WDR27: variants seen among roughly 807,000 people sequenced by gnomAD.
WDR27 encodes WD repeat-containing protein 27.
WDR27 carries 100 observed loss-of-function variants against 114.4 expected under a neutral mutation model. That is an observed-to-expected ratio of 0.87 (90% CI 0.74 to 1.03). The LOEUF (loss-of-function observed/expected upper bound fraction) is 1.03. Among genes scored for constraint, WDR27 ranks in the 50% least tolerant of loss-of-function variants. The probability of loss-of-function intolerance (pLI) is 0.00; values close to 1 mark genes in which losing one functional copy is unlikely to be tolerated. For missense variants in WDR27, 1,129 were observed against 1,092.9 expected (o/e 1.03, Z -0.47); for synonymous variants, 449 against 423.1 (o/e 1.06, Z -0.75).
In WDR27 at chr6:169,582,831, T is replaced by C; in HGVS notation, c.2523+5A>G. 6.2e-7 allele frequency: 1 copy of C among 1,611,940 alleles called. No homozygotes were observed. The highest frequency in any genetic ancestry group is 8.5e-7 in the Non-Finnish European group (1 of 1,178,686). On this transcript the variant is annotated splice_donor_5th_base_variant and intron_variant, in intron 24 of 25. Transcript: ENST00000448612. Reference sequence around the variant, plus strand: ...AGGCGCCCCACCCACTCAGCAAGACTGTACCTGGGGCGCTGATGGGTTGAA... The same window carrying C: ...AGGCGCCCCACCCACTCAGCAAGACCGTACCTGGGGCGCTGATGGGTTGAA...
intron 25 of WDR27, among the ~76,000 whole-genome samples, chr6:169,553,631 G>A (rs1476638070): frequency 6.6e-6 from 1 of 152,042 alleles, no homozygotes; most frequent in African/African-American, 2.4e-5. Flanking sequence ...TCTATATAAG[G>A]GAATGATAAC....
chr6:169,696,007 G>A (rs1785836099), intron 1 of WDR27, among the ~76,000 whole-genome samples: 1 of 152,116 alleles, frequency 6.6e-6, no homozygotes. Flanking sequence ...CAGCCCCAAT[G>A]CCACCCTGAT....
At chr6:169,552,866 G>A (rs368196722) in intron 25 of WDR27, among the ~76,000 whole-genome samples, 9 of 152,226 alleles carry the variant, frequency 5.9e-5, no homozygotes, top group East Asian at 1.9e-4. Flanking sequence ...CCTTCATGAC[G>A]TCCTCATTGC....
intron 9 of WDR27, 131 bp from the exon 10 acceptor site, chr6:169,660,897 G>A (rs1287401535): frequency 6.9e-5 from 53 of 764,182 alleles, no homozygotes; most frequent in Non-Finnish European, 1.0e-4. Context: ...CCCCACGTGC[G>A]CCCCCTGGCC....
chr6:169,555,159 A>G (rs1798696548), intron 25 of WDR27, among the ~76,000 whole-genome samples: 1 of 152,212 alleles, frequency 6.6e-6, no homozygotes, highest in Admixed American at 6.5e-5. Context: ...ACGGTTTACA[A>G]TGTGATGCCC....
chr6:169,657,678 T>C (rs1824617071), intron 13 of WDR27: 1 of 152,746 alleles, frequency 6.5e-6, no homozygotes, highest in Non-Finnish European at 1.5e-5. Flanking sequence ...CATCTTAAAG[T>C]GAAAGTTAAT....
chr6:169,605,743 T>C (rs1809030754), intron 22 of WDR27, among the ~76,000 whole-genome samples: 1 of 152,106 alleles, frequency 6.6e-6, no homozygotes, highest in African/African-American at 2.4e-5. Flanking sequence ...AACAACATGG[T>C]ACTGGTATAA....
chr6:169,555,781 A>G (rs1562576464), intron 25 of WDR27, among the ~76,000 whole-genome samples: 1 of 152,238 alleles, frequency 6.6e-6, no homozygotes, highest in Non-Finnish European at 1.5e-5. Context: ...CACTTGAAAT[A>G]TCTTCTGAAA....
At chr6:169,522,060 A>G (rs937260705) in intron 25 of WDR27, among the ~76,000 whole-genome samples, 18 of 152,124 alleles carry the variant, frequency 1.2e-4, no homozygotes, top group African/African-American at 4.1e-4. Context: ...ATAAAGAAAC[A>G]TGACCCAACT....
chr6:169,539,279 C>A (rs1036686298), intron 25 of WDR27, among the ~76,000 whole-genome samples: 1 of 152,200 alleles, frequency 6.6e-6, no homozygotes, highest in Non-Finnish European at 1.5e-5. Context: ...TCTCCCCCAT[C>A]GCCCCAACCC....
chr6:169,671,160 G>A (rs1778644381), intron 3 of WDR27: 1 of 156,604 alleles, frequency 6.4e-6, no homozygotes, highest in Non-Finnish European at 1.4e-5. Context: ...ACCCGGACAT[G>A]TGCAGCAGCT....
At chr6:169,633,251 T>A (rs1479650529) in intron 20 of WDR27, among the ~76,000 whole-genome samples, 183 bp from the exon 21 acceptor site, 1 of 152,164 alleles carries the variant, frequency 6.6e-6, no homozygotes, top group Non-Finnish European at 1.5e-5. Context: ...CCCATCTGAC[T>A]CCAGGTGTTG....
chr6:169,604,914 C>G (rs1260537763), intron 22 of WDR27, among the ~76,000 whole-genome samples: 2 of 151,222 alleles, frequency 1.3e-5, no homozygotes, highest in Non-Finnish European at 3.0e-5. Context: ...CATAAAAATC[C>G]TCAATGAAAA....
intron 25 of WDR27, among the ~76,000 whole-genome samples, chr6:169,568,141 T>G (rs9396943): frequency 2.6e-5 from 4 of 151,584 alleles, no homozygotes; most frequent in Non-Finnish European, 4.4e-5. Flanking sequence ...CGTGGAAGCC[T>G]GAGTCTGACA....
In WDR27 at chr6:169,577,086, G is replaced by GA. The variant is rs111868145; in HGVS notation, c.2524-4547dup. ...TCTCAAATATGCTCAAAAAGAAAAG[G>GA]AAAAAAAAAAAAGAGTTACGTGGGC... On this transcript the variant is annotated intron_variant, in intron 24 of 25. Transcript: ENST00000448612. 4.1e-4 allele frequency among the ~76,000 whole-genome samples: 59 copies of GA among 144,510 alleles called. 2 individuals are homozygous for GA. The highest frequency in any genetic ancestry group is 4.8e-4 in the African/African-American group (19 of 39,580). The allele number at this position is 144,510 out of a possible 152,430, so 94.8% of individuals were successfully genotyped here. A position where few individuals can be genotyped will look rare whatever the true frequency, so the allele number is the denominator to read the frequency against.
chr6:169,477,604 A>G (rs1787363604), intron 25 of WDR27, among the ~76,000 whole-genome samples: 1 of 152,096 alleles, frequency 6.6e-6, no homozygotes, highest in African/African-American at 2.4e-5. Context: ...ATGACCAGCT[A>G]ATTTCTGTAT....
At chr6:169,597,676 G>A (rs765489814) in intron 23 of WDR27, among the ~76,000 whole-genome samples, 1 of 152,082 alleles carries the variant, frequency 6.6e-6, no homozygotes, top group Non-Finnish European at 1.5e-5. Flanking sequence ...GCTTCTAAAG[G>A]TCTTCTGCTG....
At chr6:169,551,153 A>C (rs1181913355) in intron 25 of WDR27, among the ~76,000 whole-genome samples, 1 of 152,214 alleles carries the variant, frequency 6.6e-6, no homozygotes, top group Non-Finnish European at 1.5e-5. Context: ...CTATTTTGGA[A>C]AGGTGAATGA....
intron 9 of WDR27, 38 bp from the exon 10 acceptor site, chr6:169,660,804 C>A: frequency 6.3e-7 from 1 of 1,585,088 alleles, no homozygotes; most frequent in Non-Finnish European, 8.6e-7. Context: ...ACACAATAAT[C>A]TTATTCCTGA....
Sources: gnomAD v4.1 joint callset for allele counts (sites outside exome capture counted in the v4.1 genomes callset) on GRCh38, gnomAD v4.1.1 for gene constraint, MANE v1.5 for transcripts, NCBI Gene and HGNC (gene_info 2026-07-23, HGNC 2026-07-21) for gene names.